The following AKAP6 variants were observed in gnomAD, a reference collection of about 807,000 sequenced individuals.
The protein encoded by AKAP6 is A-kinase anchor protein 6.
In AKAP6, 58 loss-of-function variants were observed where a neutral mutation model predicts 188.5. The observed-to-expected ratio is 0.31, with a 90% CI of 0.25 to 0.38. AKAP6 has a LOEUF of 0.38. AKAP6 is among the 10% of genes least tolerant of loss of function. The pLI, the probability that AKAP6 is intolerant of heterozygous loss-of-function variation, is 1.00. For missense variants in AKAP6, 2,710 were observed against 2,740.0 expected (o/e 0.99, Z 0.24); for synonymous variants, 989 against 998.6 (o/e 0.99, Z 0.18).
chr14:32,548,539 TA>T (rs1883306111), intron 4 of AKAP6, among the ~76,000 whole-genome samples: 1 of 136,642 alleles, frequency 7.3e-6, no homozygotes, highest in Admixed American at 7.4e-5. Flanking sequence ...AATAGATAGA[TA>T]GATAGATAGA....
At chr14:32,597,027 A>T (rs548033511) in intron 5 of AKAP6, among the ~76,000 whole-genome samples, 1 of 152,302 alleles carries the variant, frequency 6.6e-6, no homozygotes, top group Admixed American at 6.5e-5. Context: ...TAGTTATGTT[A>T]AATGGTTCTT....
chr14:32,804,461 A>C (rs1341812653), intron 12 of AKAP6, among the ~76,000 whole-genome samples: 1 of 152,160 alleles, frequency 6.6e-6, no homozygotes, highest in East Asian at 1.9e-4. Context: ...AAAAGGGGAG[A>C]GTGTGTAAAA....
chr14:32,808,356 C>T (rs908969135), intron 12 of AKAP6, among the ~76,000 whole-genome samples: 66 of 152,270 alleles, frequency 4.3e-4, no homozygotes, highest in African/African-American at 1.5e-3. Flanking sequence ...TTTATGGGCC[C>T]GTATTGCCTA....
intron 1 of AKAP6, among the ~76,000 whole-genome samples, chr14:32,355,911 A>C (rs918250551): frequency 6.6e-6 from 1 of 152,022 alleles, no homozygotes; most frequent in Non-Finnish European, 1.5e-5. Flanking sequence ...AGTAGCTGGG[A>C]TTACAGGCGC....
At chr14:32,496,825 A>C (rs141757450) in intron 2 of AKAP6, among the ~76,000 whole-genome samples, 203 of 152,318 alleles carry the variant, frequency 1.3e-3, no homozygotes, top group African/African-American at 4.6e-3. Flanking sequence ...GGTTAGCCTT[A>C]AGTGCCCAAC....
At chr14:32,793,972 G>A (rs552830533) in intron 12 of AKAP6, among the ~76,000 whole-genome samples, 27 of 151,580 alleles carry the variant, frequency 1.8e-4, no homozygotes, top group Non-Finnish European at 3.5e-4. Flanking sequence ...AAATATTCAG[G>A]GCCTGAACTC....
In AKAP6 at chr14:32,783,129, A is replaced by T. The variant is rs371220352; in HGVS notation, c.3588+9236A>T. On this transcript the variant is annotated intron_variant, in intron 12 of 13. Coordinates refer to ENST00000280979, the MANE Select transcript of AKAP6 (RefSeq NM_004274.5). The stretch of plus-strand genomic sequence containing the variant: ...CACATAAATGGTCAATTAATTTTTA[A>T]TAGAAGTACAAAGGCAATTCAATGA... Among the ~76,000 whole-genome samples, 18 of 152,292 alleles carry T rather than the reference A, an allele frequency of 1.2e-4. No homozygotes were observed. In the East Asian group the frequency reaches 1.5e-3, roughly 13 times the overall value.
At chr14:32,735,090 A>G (rs2139839647) in intron 10 of AKAP6, among the ~76,000 whole-genome samples, 1 of 152,312 alleles carries the variant, frequency 6.6e-6, no homozygotes, top group South Asian at 2.1e-4. Flanking sequence ...TTTCCAAGTC[A>G]GGTAAAATCA....
intron 12 of AKAP6, among the ~76,000 whole-genome samples, chr14:32,800,059 C>CTATATATA (rs1305584690): frequency 1.8e-5 from 2 of 111,366 alleles, no homozygotes; most frequent in Non-Finnish European, 1.9e-5. Context: ...CTCTCTCTCT[C>CTATATATA]TCTATATATA....
At chr14:32,395,399 G>A (rs1387019210) in intron 1 of AKAP6, among the ~76,000 whole-genome samples, 2 of 152,148 alleles carry the variant, frequency 1.3e-5, no homozygotes, top group Admixed American at 6.5e-5. Flanking sequence ...GTGAGGCACA[G>A]TGCCCCATTT....
intron 1 of AKAP6, among the ~76,000 whole-genome samples, chr14:32,421,871 C>T (rs1367982033): frequency 1.3e-5 from 2 of 152,144 alleles, no homozygotes; most frequent in Non-Finnish European, 2.9e-5. Flanking sequence ...AGGAATTGCT[C>T]CCAGTGTATG....
intron 2 of AKAP6, among the ~76,000 whole-genome samples, chr14:32,511,595 T>G (rs149908091): frequency 0.024 from 3,606 of 152,250 alleles, 152 homozygotes; most frequent in African/African-American, 0.082. Flanking sequence ...CAGGCTCGTC[T>G]AGAACTCCTG....
rs746669260 is a variant in AKAP6 at position 32,433,529 on chromosome 14, G to A, written c.36G>A (p.Arg12=). The change falls in exon 2 of 14, where the codon AGG becomes AGA. Residue 12 remains arginine, a synonymous_variant. Transcript: ENST00000280979. Reference sequence around the variant, plus strand: ...TGAGCGTGACACTTTCCCCCCTGAGGTCACAGGACCTGGATCCCATGGCTA... The same window carrying A: ...TGAGCGTGACACTTTCCCCCCTGAGATCACAGGACCTGGATCCCATGGCTA... The part of the protein sequence containing the change: ...LTMSVTLSPL[R]SQDLDPMATD... 2 of 1,614,088 alleles carry A rather than the reference G, an allele frequency of 1.2e-6. No homozygotes were observed. The highest frequency in any genetic ancestry group is 1.1e-5 in the South Asian group (1 of 91,064).
chr14:32,669,796 G>A (rs753839807), intron 7 of AKAP6, among the ~76,000 whole-genome samples: 15 of 152,034 alleles, frequency 9.9e-5, no homozygotes, highest in African/African-American at 1.4e-4. Flanking sequence ...AAGAAGTGCC[G>A]AGCAAAAGGG....
intron 2 of AKAP6, among the ~76,000 whole-genome samples, chr14:32,524,663 G>A (rs192176268): frequency 1.4e-4 from 22 of 152,182 alleles, no homozygotes; most frequent in Admixed American, 2.6e-4. Flanking sequence ...GTTTTCTGGC[G>A]CACAAAGAAT....
intron 1 of AKAP6, among the ~76,000 whole-genome samples, chr14:32,421,688 A>G (rs1200945106): frequency 2.0e-5 from 3 of 152,142 alleles, no homozygotes; most frequent in Non-Finnish European, 2.9e-5. Flanking sequence ...CTGCCCGCTC[A>G]TATTTAGGAG....
chr14:32,485,736 T>G (rs1375721538), intron 2 of AKAP6, among the ~76,000 whole-genome samples: 2 of 152,194 alleles, frequency 1.3e-5, no homozygotes, highest in East Asian at 1.9e-4. Flanking sequence ...ATGGATAGAT[T>G]GCAAAATTTT....
At chr14:32,646,431 A>G (rs1315702344) in intron 7 of AKAP6, among the ~76,000 whole-genome samples, 1 of 152,144 alleles carries the variant, frequency 6.6e-6, no homozygotes, top group Non-Finnish European at 1.5e-5. Flanking sequence ...GTGTAGTAAC[A>G]ATTATTTTCG....
At chr14:32,699,731 T>C (rs1890549866) in intron 9 of AKAP6, among the ~76,000 whole-genome samples, 2 of 152,226 alleles carry the variant, frequency 1.3e-5, no homozygotes, top group African/African-American at 2.4e-5. Flanking sequence ...AACACAAATG[T>C]AGTCTTTTCT....
Sources: allele counts gnomAD v4.1 joint callset (sites outside exome capture counted in the v4.1 genomes callset), GRCh38; gene constraint gnomAD v4.1.1; transcripts MANE v1.5; gene names NCBI Gene and HGNC (gene_info 2026-07-23, HGNC 2026-07-21).